IQCM: variants seen among roughly 807,000 people sequenced by gnomAD.
The protein encoded by IQCM is IQ domain-containing protein M.
In IQCM, 45 loss-of-function variants were observed where a neutral mutation model predicts 57.6. That is an observed-to-expected ratio of 0.78 (90% CI 0.62 to 1.00). The LOEUF (loss-of-function observed/expected upper bound fraction) is 1.00, where lower values mean the gene tolerates loss of function less well. IQCM is among the 50% of genes least tolerant of loss of function. IQCM has a pLI of 0.00. For synonymous variants in IQCM, 148 were observed against 158.9 expected (o/e 0.93, Z 0.51); for missense variants, 468 against 511.6 (o/e 0.91, Z 0.82).
intron 2 of IQCM, among the ~76,000 whole-genome samples, chr4:149,809,682 A>T (rs1561298266): frequency 6.6e-6 from 1 of 152,182 alleles, no homozygotes; most frequent in Admixed American, 6.5e-5. Flanking sequence ...TCCTTGCCAC[A>T]TTAGGATGTG....
chr4:149,746,376 T>G (rs2149921350), intron 2 of IQCM, among the ~76,000 whole-genome samples: 1 of 152,344 alleles, frequency 6.6e-6, no homozygotes, highest in Middle Eastern at 3.4e-3. Flanking sequence ...TCTCCCCATC[T>G]TAATCTCCCA....
intron 12 of IQCM, among the ~76,000 whole-genome samples, chr4:149,482,088 T>C (rs559876120): frequency 6.6e-6 from 1 of 151,966 alleles, no homozygotes; most frequent in Non-Finnish European, 1.5e-5. Context: ...TGTTCACTGT[T>C]GACATATAGA....
At position 149,696,735 on chromosome 4, in the gene IQCM, C is replaced by T. The variant is rs560149257; in HGVS notation, c.386-10267G>A. Among the ~76,000 whole-genome samples the T allele has an allele frequency of 5.9e-5, 9 of 152,178 alleles. No individual in the cohort carries two copies. In the South Asian group the frequency reaches 8.3e-4, roughly 14 times the overall value. The stretch of plus-strand genomic sequence containing the variant: ...CAGGCTATGAGTCAGCTGGCTTAGA[C>T]GCATCAGGCTAGATAGGTGCCACTA... On this transcript the variant is annotated intron_variant, in intron 5 of 13. Coordinates refer to ENST00000636793, the MANE Select transcript of IQCM (RefSeq NM_001363507.2).
chr4:149,543,846 A>G lies in IQCM; in HGVS notation c.1228+4609T>C, dbSNP rs560687002. On this transcript the variant is annotated intron_variant, in intron 12 of 13. Transcript: ENST00000636793. Reference sequence around the variant, plus strand: ...AAAACATTAAATACTTTTGTCATTAAAAGTCACTTAAACAACCTAAACTGA... The same window carrying G: ...AAAACATTAAATACTTTTGTCATTAGAAGTCACTTAAACAACCTAAACTGA... Among the ~76,000 whole-genome samples, 19 of 152,308 alleles carry G rather than the reference A, an allele frequency of 1.2e-4. No individual in the cohort carries two copies. In the South Asian group the frequency reaches 3.5e-3, roughly 28 times the overall value.
At chr4:149,416,112 G>A (rs1733728582) in intron 13 of IQCM, among the ~76,000 whole-genome samples, 1 of 151,570 alleles carries the variant, frequency 6.6e-6, no homozygotes, top group Non-Finnish European at 1.5e-5. Flanking sequence ...GAGTGCTTAT[G>A]ACCCATAAAA....
chr4:149,770,398 TC>T (rs1472983672), intron 2 of IQCM, among the ~76,000 whole-genome samples: 1 of 152,070 alleles, frequency 6.6e-6, no homozygotes, highest in African/African-American at 2.4e-5. Context: ...TACACAGCTC[TC>T]CAGAAAATTG....
chr4:149,453,125 G>C (rs1208883931), intron 12 of IQCM, among the ~76,000 whole-genome samples: 1 of 151,372 alleles, frequency 6.6e-6, no homozygotes. Flanking sequence ...AACAAAGTGT[G>C]AGACTTGTAT....
chr4:149,664,901 T>C (rs916502139), intron 7 of IQCM, among the ~76,000 whole-genome samples: 10 of 152,106 alleles, frequency 6.6e-5, no homozygotes, highest in Non-Finnish European at 1.3e-4. Flanking sequence ...GCTATGCCAG[T>C]GTGCACAGGC....
intron 13 of IQCM, among the ~76,000 whole-genome samples, chr4:149,399,018 A>G (rs1023607570): frequency 3.3e-5 from 5 of 152,058 alleles, no homozygotes; most frequent in African/African-American, 1.2e-4. Flanking sequence ...TACAAGCATG[A>G]GCAACCGTGC....
chr4:149,672,294 A>G (rs536564504), intron 7 of IQCM, among the ~76,000 whole-genome samples: 2 of 152,322 alleles, frequency 1.3e-5, no homozygotes, highest in South Asian at 4.1e-4. Flanking sequence ...TTGTGAGAAG[A>G]AGGCTTCAGA....
At chr4:149,801,853 C>A (rs756659493) in intron 2 of IQCM, among the ~76,000 whole-genome samples, 3 of 151,670 alleles carry the variant, frequency 2.0e-5, no homozygotes, top group Non-Finnish European at 2.9e-5. Context: ...TGACTATAGT[C>A]AAAAATAATT....
chr4:149,607,193 G>T (rs1013922266), intron 8 of IQCM, among the ~76,000 whole-genome samples: 1 of 152,016 alleles, frequency 6.6e-6, no homozygotes, highest in Non-Finnish European at 1.5e-5. Flanking sequence ...CACATATAAA[G>T]GAGCTCTGAC....
chr4:149,419,703 C>A (rs4519778), intron 13 of IQCM, among the ~76,000 whole-genome samples: 26,561 of 152,000 alleles, frequency 0.17, 3,053 homozygotes, highest in Non-Finnish European at 0.25. Context: ...GGTGAACAGG[C>A]AACCTACAAA....
chr4:149,497,508 G>A (rs928668856), intron 12 of IQCM, among the ~76,000 whole-genome samples: 1 of 152,000 alleles, frequency 6.6e-6, no homozygotes, highest in East Asian at 1.9e-4. Flanking sequence ...CAAGAGAAGA[G>A]AGCTTGTGCA....
intron 2 of IQCM, among the ~76,000 whole-genome samples, chr4:149,781,098 G>A (rs1771563355): frequency 6.6e-6 from 1 of 152,030 alleles, no homozygotes; most frequent in African/African-American, 2.4e-5. Flanking sequence ...TTGAGAACCT[G>A]GATTTTAGAA....
intron 7 of IQCM, among the ~76,000 whole-genome samples, chr4:149,637,149 CA>C (rs758838297): frequency 3.9e-3 from 152 of 38,964 alleles, no homozygotes; most frequent in Non-Finnish European, 6.9e-3. Context: ...GACTCCGTCT[CA>C]AAAAAAAAAA....
intron 12 of IQCM, among the ~76,000 whole-genome samples, chr4:149,487,282 A>G (rs1012414230): frequency 2.6e-5 from 4 of 152,148 alleles, no homozygotes; most frequent in African/African-American, 4.8e-5. Flanking sequence ...CCTATCTTAC[A>G]GTGCCTGAGC....
At chr4:149,374,209 CA>C (rs1359556482) in intron 13 of IQCM, among the ~76,000 whole-genome samples, 1 of 152,072 alleles carries the variant, frequency 6.6e-6, no homozygotes, top group Non-Finnish European at 1.5e-5. Context: ...TCTGGAGGCC[CA>C]AACTAGAAAT....
chr4:149,743,205 T>G (rs770091330), intron 2 of IQCM, among the ~76,000 whole-genome samples: 18 of 152,130 alleles, frequency 1.2e-4, no homozygotes, highest in Admixed American at 2.6e-4. Flanking sequence ...CCTTATACAC[T>G]CCTGCCTTCA....
Sources: allele counts gnomAD v4.1 joint callset (sites outside exome capture counted in the v4.1 genomes callset), GRCh38; gene constraint gnomAD v4.1.1; transcripts MANE v1.5; gene names NCBI Gene and HGNC (gene_info 2026-07-23, HGNC 2026-07-21).